Variants in PPP2R3A observed in about 807,000 individuals in gnomAD.
PPP2R3A encodes protein phosphatase 2 regulatory subunit B''alpha, also known as serine/threonine-protein phosphatase 2A regulatory subunit B'' subunit alpha.
Under a neutral mutation model 106.9 loss-of-function variants are expected in PPP2R3A, and 80 were observed. The observed-to-expected ratio is 0.75, with a 90% CI of 0.62 to 0.90. PPP2R3A has a LOEUF of 0.90. PPP2R3A is among the 40% of genes least tolerant of loss of function. PPP2R3A has a pLI of 0.00. For missense variants in PPP2R3A, 1,386 were observed against 1,350.4 expected, an observed-to-expected ratio of 1.03 and a Z score of -0.41; for synonymous variants, 483 against 468.3, an observed-to-expected ratio of 1.03 and a Z score of -0.41.
intron 5 of PPP2R3A, among the ~76,000 whole-genome samples, chr3:136,056,119 G>T (rs1007119879): frequency 6.6e-6 from 1 of 152,134 alleles, no homozygotes. Context: ...AAAACATCAG[G>T]CAGATTCCAG....
intron 3 of PPP2R3A, among the ~76,000 whole-genome samples, chr3:136,039,990 T>C (rs547160114): frequency 6.6e-6 from 1 of 152,338 alleles, no homozygotes; most frequent in South Asian, 2.1e-4. Context: ...AAATAAATTA[T>C]AGCATTTTAC....
chr3:136,016,699 G>A (rs1934280838), intron 2 of PPP2R3A, among the ~76,000 whole-genome samples: 1 of 152,054 alleles, frequency 6.6e-6, no homozygotes, highest in African/African-American at 2.4e-5. Context: ...AAGTCTCTGT[G>A]AGTCCTTATA....
chr3:135,994,723 A>T (rs1933316725), intron 1 of PPP2R3A, among the ~76,000 whole-genome samples: 1 of 152,164 alleles, frequency 6.6e-6, no homozygotes, highest in Non-Finnish European at 1.5e-5. Context: ...TGTGAAACCC[A>T]TACTGCACAT....
chr3:136,002,948 G>T lies in PPP2R3A; in HGVS notation c.1450G>T (p.Asp484Tyr). Residue 484 changes from aspartate to tyrosine, a missense_variant, in exon 2 of 14, where the codon GAC becomes TAC. Physicochemically the swap from Asp to Tyr is radical, Grantham distance 160. Transcript: ENST00000264977. ...ATCATTTGTTAATCTACCTAAGGAA[G>T]ACTGTAAATCAAAAGTTTCTAAATT... is the stretch of plus-strand genomic sequence containing the variant. ...EKSFVNLPKE[D>Y]CKSKVSKFEE... is the part of the protein sequence containing the mutation. 6.2e-7 allele frequency: 1 copy of T among 1,612,462 alleles called. No individual in the cohort carries two copies.
chr3:136,001,371 C>T lies in PPP2R3A; in HGVS notation c.-128C>T. 2.4e-6 allele frequency: 2 copies of T among 817,716 alleles called. No homozygotes were observed. The highest frequency in any genetic ancestry group is 1.8e-5 in the South Asian group (1 of 54,790). The allele number at this position is 817,716 out of a possible 1,614,324, so 50.7% of individuals were successfully genotyped here. A position where few individuals can be genotyped will look rare whatever the true frequency, so the allele number is the denominator to read the frequency against. On this transcript the variant is annotated 5_prime_UTR_variant, in exon 2 of 14. Transcript: ENST00000264977. Reference sequence around the variant, plus strand: ...AATGGTTTCCCTTCATGGGAAAAGCCATTATATTTGGAAGAAACCACTGAA... The same window carrying T: ...AATGGTTTCCCTTCATGGGAAAAGCTATTATATTTGGAAGAAACCACTGAA...
intron 13 of PPP2R3A, among the ~76,000 whole-genome samples, chr3:136,127,459 G>T (rs1017549995): frequency 1.3e-5 from 2 of 152,128 alleles, no homozygotes; most frequent in African/African-American, 4.8e-5. Flanking sequence ...GACAAGGTTA[G>T]AGAAAAAAGA....
At chr3:136,027,654 T>A (rs1934717360) in intron 3 of PPP2R3A, among the ~76,000 whole-genome samples, 1 of 152,208 alleles carries the variant, frequency 6.6e-6, no homozygotes, top group Non-Finnish European at 1.5e-5. Flanking sequence ...CCAGAACAGT[T>A]AATACTTAGC....
intron 2 of PPP2R3A, among the ~76,000 whole-genome samples, chr3:136,015,270 AT>A (rs1934230368): frequency 6.6e-6 from 1 of 151,990 alleles, no homozygotes; most frequent in Non-Finnish European, 1.5e-5. Context: ...CACCAGAGAT[AT>A]TGGTCTGTAG....
At chr3:136,014,218 T>A (rs965375838) in intron 2 of PPP2R3A, among the ~76,000 whole-genome samples, 2 of 152,138 alleles carry the variant, frequency 1.3e-5, no homozygotes, top group Non-Finnish European at 2.9e-5. Flanking sequence ...TTGGTGACTA[T>A]AGCGATATAG....
intron 3 of PPP2R3A, among the ~76,000 whole-genome samples, chr3:136,036,941 A>G (rs953287334): frequency 2.0e-5 from 3 of 152,244 alleles, no homozygotes; most frequent in African/African-American, 4.8e-5. Flanking sequence ...GGTACCAGGC[A>G]GTGAGCTCTG....
intron 10 of PPP2R3A, 30 bp from the exon 11 acceptor site, chr3:136,101,968 TTTACCAGGC>T (rs746267495): frequency 6.3e-7 from 1 of 1,580,802 alleles, no homozygotes; most frequent in Non-Finnish European, 8.6e-7. Flanking sequence ...ATAAAAGGTC[TTTACCAGGC>T]CCATGATAAT....
At chr3:136,119,147 T>C (rs1038857674) in intron 13 of PPP2R3A, among the ~76,000 whole-genome samples, 25 of 152,056 alleles carry the variant, frequency 1.6e-4, no homozygotes, top group African/African-American at 6.0e-4. Context: ...ATAAATGGTG[T>C]TGGGAAAACT....
At chr3:135,976,939 A>G (rs569558089) in intron 1 of PPP2R3A, among the ~76,000 whole-genome samples, 1 of 152,272 alleles carries the variant, frequency 6.6e-6, no homozygotes, top group African/African-American at 2.4e-5. Flanking sequence ...ATCAATTACT[A>G]AATTCTCATA....
rs1023458765 is a variant in PPP2R3A, at chr3:136,034,736, T to C, written c.2263-6123T>C. Among the ~76,000 whole-genome samples, 6 of 152,208 alleles carry C rather than the reference T, an allele frequency of 3.9e-5. 1 individual carries two copies. Among genetic ancestry groups the C allele is most frequent in the African/African-American group, 1.4e-4 (6 of 41,458 alleles). ...GAATGTTCTGTATATGTCTATTAAGTCCATTTGTTCCAGGGTATAGTTTAA... is the reference window on the plus strand; with the variant it reads ...GAATGTTCTGTATATGTCTATTAAGCCCATTTGTTCCAGGGTATAGTTTAA... On this transcript the variant is annotated intron_variant, in intron 3 of 13. Coordinates refer to ENST00000264977, the MANE Select transcript of PPP2R3A (RefSeq NM_002718.5).
At chr3:136,142,326 C>G (rs1446990964) in intron 13 of PPP2R3A, among the ~76,000 whole-genome samples, 1 of 152,114 alleles carries the variant, frequency 6.6e-6, no homozygotes, top group Non-Finnish European at 1.5e-5. Context: ...TGGTGACAGT[C>G]AAGACACAGA....
intron 13 of PPP2R3A, among the ~76,000 whole-genome samples, chr3:136,112,716 C>T (rs914860885): frequency 7.9e-5 from 12 of 152,146 alleles, no homozygotes; most frequent in African/African-American, 2.4e-4. Flanking sequence ...CCATTGTGCT[C>T]GTGGACAGGA....
chr3:136,055,980 G>A (rs927197040), intron 5 of PPP2R3A, among the ~76,000 whole-genome samples: 1 of 152,168 alleles, frequency 6.6e-6, no homozygotes, highest in Non-Finnish European at 1.5e-5. Context: ...TCAGTCTGAT[G>A]ATCAAGGCCA....
chr3:136,058,130 A>T (rs141846036), intron 5 of PPP2R3A, among the ~76,000 whole-genome samples: 70 of 152,316 alleles, frequency 4.6e-4, no homozygotes, highest in African/African-American at 1.7e-3. Flanking sequence ...GCCATATATG[A>T]CAAGCATCAT....
intron 5 of PPP2R3A, among the ~76,000 whole-genome samples, chr3:136,060,362 G>T (rs1450940149): frequency 6.6e-6 from 1 of 152,142 alleles, no homozygotes; most frequent in Non-Finnish European, 1.5e-5. Flanking sequence ...AAATAATATG[G>T]TTTAGCTCTG....
Sources: gnomAD v4.1 joint callset for allele counts (sites outside exome capture counted in the v4.1 genomes callset) on GRCh38, gnomAD v4.1.1 for gene constraint, MANE v1.5 for transcripts, NCBI Gene and HGNC (gene_info 2026-07-23, HGNC 2026-07-21) for gene names.